Variants in ENPP1 observed in about 807,000 individuals in gnomAD.
The protein encoded by ENPP1 is ectonucleotide pyrophosphatase/phosphodiesterase 1.
In ENPP1, 73 loss-of-function variants were observed where a neutral mutation model predicts 122.8. The observed-to-expected ratio is 0.59, with a 90% CI of 0.49 to 0.72. The LOEUF is 0.72. Among genes scored for constraint, ENPP1 ranks in the 30% least tolerant of loss-of-function variants. The pLI is 0.00. For missense variants in ENPP1, 978 were observed against 1,128.1 expected, an observed-to-expected ratio of 0.87 and a Z score of 1.91; for synonymous variants, 367 against 391.6, an observed-to-expected ratio of 0.94 and a Z score of 0.74.
In ENPP1 at chr6:131,882,377, T is replaced by C. The variant is rs763775131; in HGVS notation, c.2133T>C (p.Cys711=). 9 of 1,606,256 alleles carry C rather than the reference T, an allele frequency of 5.6e-6. No homozygotes were observed. The highest frequency in any genetic ancestry group is 7.7e-6 in the Non-Finnish European group (9 of 1,174,872). ...DSFSTEDFSN[C]LYQDFRIPLS... The stretch of plus-strand genomic sequence containing the variant: ...TCTCTACGGAAGACTTCTCCAACTG[T>C]CTGTACCAGGACTTTAGAATTCCTC... Residue 711 remains cysteine (C), a synonymous_variant, in exon 21 of 25, where the codon TGT becomes TGC. Coordinates refer to ENST00000647893, the MANE Select transcript of ENPP1 (RefSeq NM_006208.3).
intron 1 of ENPP1, among the ~76,000 whole-genome samples, chr6:131,841,282 G>A (rs1275701316): frequency 6.6e-6 from 1 of 152,134 alleles, no homozygotes; most frequent in African/African-American, 2.4e-5. Flanking sequence ...TCCAGCAAAC[G>A]AAATCCCGTG....
chr6:131,857,579 T>C (rs1314426288), intron 6 of ENPP1, among the ~76,000 whole-genome samples: 1 of 149,864 alleles, frequency 6.7e-6, no homozygotes, highest in East Asian at 2.0e-4. Context: ...ATATTCTCAC[T>C]CATAGGTGGG....
intron 1 of ENPP1, among the ~76,000 whole-genome samples, chr6:131,813,646 G>A (rs115534983): frequency 0.015 from 2,351 of 152,216 alleles, 66 homozygotes; most frequent in African/African-American, 0.054. Context: ...TTATAACTTG[G>A]TGTCTTATTG....
chr6:131,841,975 C>T (rs1293524124), intron 1 of ENPP1, among the ~76,000 whole-genome samples: 3 of 152,086 alleles, frequency 2.0e-5, no homozygotes, highest in African/African-American at 7.2e-5. Context: ...CTCCACTGAC[C>T]GCCCGCAGGC....
Position 131,882,420 on chromosome 6 carries a change from T to C in ENPP1, c.2176T>C (p.Cys726Arg). 2 of 1,609,474 alleles carry C rather than the reference T, an allele frequency of 1.2e-6. No homozygotes were observed. The highest frequency in any genetic ancestry group is 1.7e-6 in the Non-Finnish European group (2 of 1,176,736). ...FRIPLSPVHKCSFYKNNTKVS... is the reference protein window; with the variant it reads ...FRIPLSPVHKRSFYKNNTKVS... Reference sequence around the variant, plus strand: ...AATTCCTCTTAGTCCTGTCCATAAATGTTCATTTTATAAAAATAACACCAA... The same window carrying C: ...AATTCCTCTTAGTCCTGTCCATAAACGTTCATTTTATAAAAATAACACCAA... The change falls in exon 21 of 25, where the codon TGT becomes CGT. Residue 726 changes from cysteine (C) to arginine (R), a missense_variant. Coordinates refer to ENST00000647893, the MANE Select transcript of ENPP1 (RefSeq NM_006208.3).
intron 1 of ENPP1, among the ~76,000 whole-genome samples, chr6:131,837,520 C>CAAAA (rs34431136): frequency 1.2e-5 from 1 of 81,920 alleles, no homozygotes; most frequent in Non-Finnish European, 2.6e-5. Flanking sequence ...GACTCTGTCT[C>CAAAA]AAAAAAAAAA....
intron 1 of ENPP1, among the ~76,000 whole-genome samples, chr6:131,818,080 C>CT (rs1304855462): frequency 1.3e-5 from 2 of 152,018 alleles, no homozygotes; most frequent in Non-Finnish European, 1.5e-5. Flanking sequence ...GCTTAGAAAG[C>CT]TTTTTTTGAC....
intron 1 of ENPP1, among the ~76,000 whole-genome samples, chr6:131,823,382 A>G (rs533075117): frequency 6.6e-6 from 1 of 152,212 alleles, no homozygotes; most frequent in South Asian, 2.1e-4. Flanking sequence ...ACTTTGTATT[A>G]AGGAGATTGT....
At chr6:131,824,070 G>A (rs1240382042) in intron 1 of ENPP1, among the ~76,000 whole-genome samples, 1 of 151,720 alleles carries the variant, frequency 6.6e-6, no homozygotes, top group Non-Finnish European at 1.5e-5. Flanking sequence ...AGAGGCTGGG[G>A]GCTAAATGGT....
intron 22 of ENPP1, 21 bp from the exon 23 acceptor site, chr6:131,884,910 C>G: frequency 1.2e-6 from 2 of 1,613,770 alleles, no homozygotes; most frequent in East Asian, 2.2e-5. Context: ...TGAAACTACA[C>G]TGGCTTCTAT....
intron 13 of ENPP1, 95 bp downstream of exon 13, chr6:131,869,584 T>A: frequency 7.6e-7 from 1 of 1,316,040 alleles, no homozygotes; most frequent in Non-Finnish European, 1.1e-6. Flanking sequence ...ATCGCAGCAC[T>A]TTGGGAGGCC....
chr6:131,854,855 G>T, intron 5 of ENPP1, 71 bp from the exon 6 acceptor site: 1 of 1,034,922 alleles, frequency 9.7e-7, no homozygotes, highest in Non-Finnish European at 1.5e-6. Context: ...TGCCAAGAAG[G>T]GGGTACATCT....
intron 1 of ENPP1, chr6:131,827,393 C>T: frequency 1.3e-6 from 1 of 760,166 alleles, no homozygotes; most frequent in Admixed American, 1.8e-5. Flanking sequence ...AGGAATATTG[C>T]TTCATGGATC....
At position 131,858,661 on chromosome 6, in the gene ENPP1, CT is replaced by C; in HGVS notation, c.716-5del. ...TTAATAACAATGTTTATTTTTTTCCCTTCTAGAAAAATGTGGAACATATACT... is the reference window on the plus strand; with the variant it reads ...TTAATAACAATGTTTATTTTTTTCCCTCTAGAAAAATGTGGAACATATACT... On this transcript the variant is annotated splice_region_variant and splice_polypyrimidine_tract_variant and intron_variant, in intron 6 of 24. Coordinates refer to ENST00000647893, the MANE Select transcript of ENPP1 (RefSeq NM_006208.3). The C allele has an allele frequency of 6.3e-7, 1 of 1,580,750 alleles. No individual in the cohort carries two copies. Among genetic ancestry groups the C allele is most frequent in the Non-Finnish European group, 8.7e-7 (1 of 1,150,638 alleles).
At position 131,886,685 on chromosome 6, in the gene ENPP1, C is replaced by A. The variant is rs763922913; in HGVS notation, c.2568C>A (p.Phe856Leu). The change falls in exon 24 of 25, where the codon TTC becomes TTA. Residue 856 changes from phenylalanine to leucine, a missense_variant. By Grantham distance (22) the Phe-to-Leu change is conservative (BLOSUM62 0). Around this residue, in one of 3 missense-constraint regions of ENPP1, gnomAD observed 644 missense variants for 781.5 expected, o/e 0.82. Transcript: ENST00000647893. ...LHCENLDTLAFILPHRTDNSE... is the reference protein window; with the variant it reads ...LHCENLDTLALILPHRTDNSE... Reference sequence around the variant, plus strand: ...GTGAAAACCTAGACACCTTAGCTTTCATTTTGCCTCACAGGACTGATAACA... The same window carrying A: ...GTGAAAACCTAGACACCTTAGCTTTAATTTTGCCTCACAGGACTGATAACA... 6.2e-7 allele frequency: 1 copy of A among 1,614,070 alleles called. No individual in the cohort carries two copies. Among genetic ancestry groups the A allele is most frequent in the Non-Finnish European group, 8.5e-7 (1 of 1,179,982 alleles).
At chr6:131,808,336 G>A (rs962702201) in intron 1 of ENPP1, 61 bp downstream of exon 1, 3 of 1,438,458 alleles carry the variant, frequency 2.1e-6, no homozygotes, top group African/African-American at 3.0e-5. Context: ...GGGCGGCGCC[G>A]AGCTCCTGCG....
At chr6:131,839,903 G>C (rs1034417720) in intron 1 of ENPP1, among the ~76,000 whole-genome samples, 2 of 151,920 alleles carry the variant, frequency 1.3e-5, no homozygotes, top group African/African-American at 4.8e-5. Flanking sequence ...TATTTCTTTA[G>C]CTATTTTCCT....
chr6:131,842,350 T>G (rs779070024), intron 1 of ENPP1, among the ~76,000 whole-genome samples: 2 of 152,230 alleles, frequency 1.3e-5, no homozygotes, highest in Non-Finnish European at 2.9e-5. Flanking sequence ...GGCGTATATA[T>G]GGTCACCACT....
intron 1 of ENPP1, among the ~76,000 whole-genome samples, chr6:131,814,453 G>T (rs1263071691): frequency 6.6e-6 from 1 of 152,118 alleles, no homozygotes; most frequent in Admixed American, 6.5e-5. Flanking sequence ...GCTTTATTTG[G>T]GCCAAGTTTG....
Sources: gnomAD v4.1 joint callset for allele counts (sites outside exome capture counted in the v4.1 genomes callset) on GRCh38, gnomAD v4.1.1 for gene constraint, gnomAD v4.1.1 regional missense constraint, MANE v1.5 for transcripts, NCBI Gene and HGNC (gene_info 2026-07-23, HGNC 2026-07-21) for gene names.